The following AFG2A variants were observed in gnomAD, a reference collection of about 807,000 sequenced individuals.
AFG2A encodes ATPase family gene 2 protein homolog A.
the AFG2A span, among the ~76,000 whole-genome samples, chr4:123,237,866 G>A: frequency 0.014 from 2,142 of 152,118 alleles, 49 homozygotes; most frequent in African/African-American, 0.048. Context: ...CTGAAATAGG[G>A]TGGGGCATTG....
At chr4:123,172,520 T>C in the AFG2A span, among the ~76,000 whole-genome samples, 1 of 152,210 alleles carries the variant, frequency 6.6e-6, no homozygotes, top group Non-Finnish European at 1.5e-5. Context: ...CCAATTTCAC[T>C]ATCTTCCTAT....
chr4:123,245,196 G>T, the AFG2A span, among the ~76,000 whole-genome samples: 1 of 152,112 alleles, frequency 6.6e-6, no homozygotes, highest in African/African-American at 2.4e-5. Context: ...GCCTGGAGGG[G>T]TCAAATAACA....
chr4:123,201,217 A>G, the AFG2A span, among the ~76,000 whole-genome samples: 3 of 152,232 alleles, frequency 2.0e-5, no homozygotes, highest in African/African-American at 7.2e-5. Context: ...AGACTTACAA[A>G]TTTCCAGGAA....
chr4:123,151,389 C>G, the AFG2A span, among the ~76,000 whole-genome samples: 2 of 152,208 alleles, frequency 1.3e-5, no homozygotes, highest in East Asian at 3.9e-4. Context: ...GGCCTAATAT[C>G]CAGAATCTAC....
the AFG2A span, among the ~76,000 whole-genome samples, chr4:123,270,206 T>A: frequency 1.5e-4 from 23 of 152,210 alleles, no homozygotes; most frequent in African/African-American, 5.3e-4. Flanking sequence ...AGACTAACAA[T>A]ACTACAGGAA....
the AFG2A span, among the ~76,000 whole-genome samples, chr4:122,953,278 C>G: frequency 6.6e-6 from 1 of 152,232 alleles, no homozygotes; most frequent in Non-Finnish European, 1.5e-5. Flanking sequence ...GGGAGCTATA[C>G]ATACTAAATA....
chr4:123,004,095 C>T, the AFG2A span, among the ~76,000 whole-genome samples: 2 of 152,192 alleles, frequency 1.3e-5, no homozygotes, highest in Non-Finnish European at 2.9e-5. Context: ...ACTCCGTGGG[C>T]GTAGGACCCT....
chr4:123,145,883 T>C, the AFG2A span, among the ~76,000 whole-genome samples: 1 of 152,142 alleles, frequency 6.6e-6, no homozygotes, highest in South Asian at 2.1e-4. Context: ...TTTTATGTTA[T>C]TTCTTAATCT....
At chr4:123,028,416 A>C in the AFG2A span, 1 of 1,605,376 alleles carries the variant, frequency 6.2e-7, no homozygotes, top group Non-Finnish European at 8.5e-7. Flanking sequence ...AAATTTTTTA[A>C]TCGCTACTCT....
chr4:123,177,291 C>T, the AFG2A span, among the ~76,000 whole-genome samples: 1 of 150,432 alleles, frequency 6.6e-6, no homozygotes, highest in Non-Finnish European at 1.5e-5. Context: ...CTCCCAGGTT[C>T]AAGCAATTCT....
chr4:122,985,861 C>T, the AFG2A span, among the ~76,000 whole-genome samples: 1 of 151,016 alleles, frequency 6.6e-6, no homozygotes, highest in African/African-American at 2.4e-5. Flanking sequence ...GAGGTGTGAC[C>T]TTAGAATGTC....
the AFG2A span, among the ~76,000 whole-genome samples, chr4:123,191,258 A>C: frequency 2.6e-5 from 4 of 152,184 alleles, no homozygotes; most frequent in Non-Finnish European, 5.9e-5. Context: ...CAATTCTGAA[A>C]TATAAGGATA....
chr4:123,012,082 C>T, the AFG2A span, among the ~76,000 whole-genome samples: 2,693 of 134,924 alleles, frequency 0.02, 73 homozygotes, highest in Non-Finnish European at 0.026. Flanking sequence ...GGGTGCTTGC[C>T]CCCCAGGAAA....
chr4:123,084,992 T>C, the AFG2A span, among the ~76,000 whole-genome samples: 4 of 151,952 alleles, frequency 2.6e-5, no homozygotes, highest in African/African-American at 9.7e-5. Flanking sequence ...ACAAGTGTGT[T>C]GTTCAGTCTT....
the AFG2A span, among the ~76,000 whole-genome samples, chr4:123,215,994 G>C: frequency 5.3e-5 from 8 of 151,908 alleles, no homozygotes; most frequent in Admixed American, 4.6e-4. Flanking sequence ...CTCCTAGTAG[G>C]GCAAGTATAA....
the AFG2A span, among the ~76,000 whole-genome samples, chr4:122,931,471 G>A: frequency 1.3e-5 from 2 of 151,810 alleles, no homozygotes; most frequent in South Asian, 4.2e-4. Context: ...ATACATACAT[G>A]CAACACACAC....
At chr4:123,214,981 T>C in the AFG2A span, among the ~76,000 whole-genome samples, 1 of 152,054 alleles carries the variant, frequency 6.6e-6, no homozygotes, top group Non-Finnish European at 1.5e-5. Context: ...ATTTTTGATG[T>C]GTGTAGGGTT....
the AFG2A span, among the ~76,000 whole-genome samples, chr4:123,179,736 A>G: frequency 6.6e-6 from 1 of 152,220 alleles, no homozygotes; most frequent in African/African-American, 2.4e-5. Context: ...GTGGTTTTCC[A>G]TACATGTACA....
the AFG2A span, among the ~76,000 whole-genome samples, chr4:123,245,950 T>A: frequency 6.6e-6 from 1 of 152,202 alleles, no homozygotes; most frequent in Admixed American, 6.5e-5. Flanking sequence ...GAAGCCTAGC[T>A]AAGCACTAAA....
Sources: gnomAD v4.1 joint callset for allele counts (sites outside exome capture counted in the v4.1 genomes callset) on GRCh38, gnomAD v4.1.1 for gene constraint, MANE v1.5 for transcripts, NCBI Gene and HGNC (gene_info 2026-07-23, HGNC 2026-07-21) for gene names.